The following MEGF10 variants were observed in gnomAD, a reference collection of about 807,000 sequenced individuals.
The protein encoded by MEGF10 is multiple EGF like domains 10.
Under a neutral mutation model 147.5 loss-of-function variants are expected in MEGF10, and 86 were observed. The ratio of observed to expected loss-of-function variants is 0.58; its 90% CI spans 0.49 to 0.70. The LOEUF is 0.70. Among genes scored for constraint, MEGF10 ranks in the 30% least tolerant of loss-of-function variants. MEGF10 has a pLI of 0.00. For missense variants in MEGF10, 1,329 were observed against 1,487.3 expected, an observed-to-expected ratio of 0.89 and a Z score of 1.75; for synonymous variants, 478 against 525.5, an observed-to-expected ratio of 0.91 and a Z score of 1.24.
chr5:127,420,270 T>C, intron 12 of MEGF10, 63 bp downstream of exon 12: 1 of 1,557,418 alleles, frequency 6.4e-7, no homozygotes, highest in Non-Finnish European at 8.7e-7. Flanking sequence ...TAAAGTTGGC[T>C]TCTTTTTGCA....
chr5:127,357,585 C>T (rs371731142), intron 4 of MEGF10, among the ~76,000 whole-genome samples: 1 of 100,934 alleles, frequency 9.9e-6, no homozygotes, highest in Admixed American at 9.0e-5. Flanking sequence ...AAGACCCTGC[C>T]TCAAAATAAA....
At chr5:127,310,656 C>G (rs1760250112) in intron 1 of MEGF10, among the ~76,000 whole-genome samples, 1 of 152,102 alleles carries the variant, frequency 6.6e-6, no homozygotes, top group Admixed American at 6.6e-5. Context: ...TTTCACCATG[C>G]TCTATCATTC....
chr5:127,423,571 G>C (rs1249139788), intron 13 of MEGF10, among the ~76,000 whole-genome samples: 3 of 151,974 alleles, frequency 2.0e-5, no homozygotes, highest in African/African-American at 7.3e-5. Context: ...TTTGATTCTA[G>C]CCATCCTAGT....
At chr5:127,334,759 G>A (rs1235043101) in intron 2 of MEGF10, among the ~76,000 whole-genome samples, 1 of 152,056 alleles carries the variant, frequency 6.6e-6, no homozygotes, top group Admixed American at 6.6e-5. Flanking sequence ...TTCTAAAGAA[G>A]GCACAAGTGA....
chr5:127,357,651 A>G (rs755503165), intron 4 of MEGF10, among the ~76,000 whole-genome samples: 80 of 148,620 alleles, frequency 5.4e-4, no homozygotes, highest in Non-Finnish European at 8.5e-4. Context: ...CAGGAGAAAG[A>G]AAAAAAAAAG....
chr5:127,417,327 T>C (rs1314560338), intron 9 of MEGF10, among the ~76,000 whole-genome samples: 1 of 152,182 alleles, frequency 6.6e-6, no homozygotes, highest in African/African-American at 2.4e-5. Context: ...GCTCCTCTCA[T>C]AGAGTTGACC....
the MEGF10 span, among the ~76,000 whole-genome samples, chr5:127,246,566 C>T: frequency 2.6e-5 from 4 of 151,026 alleles, no homozygotes; most frequent in African/African-American, 9.8e-5. Flanking sequence ...AACAAACCTG[C>T]ACATTCTGCA....
intron 5 of MEGF10, among the ~76,000 whole-genome samples, chr5:127,378,992 A>G (rs1763142555): frequency 6.6e-6 from 1 of 151,656 alleles, no homozygotes; most frequent in African/African-American, 2.4e-5. Context: ...TAGTGAGTTC[A>G]TGCAGTGGCT....
intron 9 of MEGF10, among the ~76,000 whole-genome samples, chr5:127,415,072 GA>G (rs33913196): frequency 0.066 from 9,517 of 145,104 alleles, 431 homozygotes; most frequent in African/African-American, 0.13. Context: ...CCCCTAAATT[GA>G]AAAAAAAAAA....
chr5:127,417,929 A>C, intron 10 of MEGF10, 117 bp downstream of exon 10: 1 of 1,045,238 alleles, frequency 9.6e-7, no homozygotes, highest in Non-Finnish European at 1.4e-6. Context: ...CATCCACATC[A>C]TTAAAGAGAG....
At chr5:127,284,391 G>A in the MEGF10 span, among the ~76,000 whole-genome samples, 1 of 151,992 alleles carries the variant, frequency 6.6e-6, no homozygotes, top group African/African-American at 2.4e-5. Context: ...TTTTTTTTCA[G>A]TGTAGATTTT....
Position 127,457,213 on chromosome 5 carries a change from C to A in MEGF10, c.3318C>A (p.His1106Gln). Residue 1106 changes from histidine (H) to glutamine (Q), a missense_variant, in exon 25 of 25, where the codon CAC becomes CAA. His to Gln is a conservative substitution (Grantham distance 24). Around this residue, in one of 3 missense-constraint regions of MEGF10, gnomAD observed 343 missense variants for 377.9 expected, o/e 0.91. Coordinates refer to ENST00000503335, the MANE Select transcript of MEGF10 (RefSeq NM_001256545.2). ...CATATGACCTCCCAAAGAACAGTCA[C>A]ATCCCTTGTCATTATGACCTGCTGC... is the stretch of plus-strand genomic sequence containing the variant. The part of the protein sequence containing the change: ...QDPYDLPKNS[H>Q]IPCHYDLLPV... 4 of 1,614,180 alleles carry A rather than the reference C, an allele frequency of 2.5e-6. No individual in the cohort carries two copies. Among genetic ancestry groups the A allele is most frequent in the Non-Finnish European group, 2.5e-6 (3 of 1,180,022 alleles).
chr5:127,330,623 A>T (rs569976192), intron 1 of MEGF10, among the ~76,000 whole-genome samples: 2 of 152,322 alleles, frequency 1.3e-5, no homozygotes, highest in Non-Finnish European at 2.9e-5. Context: ...TCTAGTTTTT[A>T]GAAACCCCTG....
intron 2 of MEGF10, among the ~76,000 whole-genome samples, chr5:127,335,398 A>G (rs1761421464): frequency 6.6e-6 from 1 of 152,276 alleles, no homozygotes; most frequent in African/African-American, 2.4e-5. Flanking sequence ...ATGTGGAGGT[A>G]TGGAGTGTTA....
At chr5:127,395,603 G>A (rs1763880414) in intron 5 of MEGF10, among the ~76,000 whole-genome samples, 1 of 142,654 alleles carries the variant, frequency 7.0e-6, no homozygotes, top group Admixed American at 7.3e-5. Context: ...GGAGTGCAGT[G>A]GCGCAGTCTT....
chr5:127,332,548 T>A (rs1047218282), intron 2 of MEGF10, among the ~76,000 whole-genome samples: 3 of 152,130 alleles, frequency 2.0e-5, no homozygotes, highest in Non-Finnish European at 4.4e-5. Context: ...TATCCCTACC[T>A]CCATTGGTAG....
chr5:127,245,381 G>C, the MEGF10 span, among the ~76,000 whole-genome samples: 1 of 152,272 alleles, frequency 6.6e-6, no homozygotes, highest in African/African-American at 2.4e-5. Flanking sequence ...TTAATAGATG[G>C]TGTTGGGAAA....
intron 9 of MEGF10, among the ~76,000 whole-genome samples, chr5:127,416,249 A>G (rs933418399): frequency 6.6e-6 from 1 of 151,908 alleles, no homozygotes; most frequent in Admixed American, 6.6e-5. Context: ...AGGATGGTCT[A>G]GATCTCCTGA....
At chr5:127,259,143 G>A in the MEGF10 span, among the ~76,000 whole-genome samples, 1 of 152,116 alleles carries the variant, frequency 6.6e-6, no homozygotes, top group African/African-American at 2.4e-5. Context: ...ATACAGTGAG[G>A]CTGATTGTGA....
Sources: allele counts gnomAD v4.1 joint callset (sites outside exome capture counted in the v4.1 genomes callset), GRCh38; gene constraint gnomAD v4.1.1; regional missense constraint gnomAD v4.1.1; transcripts MANE v1.5; gene names NCBI Gene and HGNC (gene_info 2026-07-23, HGNC 2026-07-21).